Variants in FOXJ3 observed in about 807,000 individuals in gnomAD.
FOXJ3 encodes the protein forkhead box protein J3.
In FOXJ3, 22 loss-of-function variants were observed where a neutral mutation model predicts 76.1. That is an observed-to-expected ratio of 0.29 (90% CI 0.21 to 0.41). The LOEUF (loss-of-function observed/expected upper bound fraction) is 0.41, where lower values mean the gene tolerates loss of function less well. Ranked by LOEUF, FOXJ3 falls within the 10% of genes least tolerant of loss-of-function variation. FOXJ3 has a pLI of 1.00. For missense variants in FOXJ3, 613 were observed against 762.1 expected, an observed-to-expected ratio of 0.80 and a Z score of 2.30; for synonymous variants, 269 against 261.2, an observed-to-expected ratio of 1.03 and a Z score of -0.29.
chr1:42,188,371 C>A (rs559257367), intron 11 of FOXJ3, among the ~76,000 whole-genome samples: 6 of 152,136 alleles, frequency 3.9e-5, no homozygotes, highest in Non-Finnish European at 7.4e-5. Context: ...ACACAAGACA[C>A]GTTGATTTCC....
chr1:42,202,664 T>C (rs895270385), intron 6 of FOXJ3, among the ~76,000 whole-genome samples: 2 of 152,132 alleles, frequency 1.3e-5, no homozygotes, highest in African/African-American at 4.8e-5. Context: ...AATGGGAGTG[T>C]ACAGTAATAA....
At chr1:42,295,001 T>C (rs1653689791) in intron 2 of FOXJ3, among the ~76,000 whole-genome samples, 1 of 152,344 alleles carries the variant, frequency 6.6e-6, no homozygotes, top group South Asian at 2.1e-4. Context: ...ATTCATTCCA[T>C]AAATTCTTTT....
chr1:42,203,787 G>C (rs1646807945), intron 6 of FOXJ3, among the ~76,000 whole-genome samples: 1 of 152,098 alleles, frequency 6.6e-6, no homozygotes, highest in African/African-American at 2.4e-5. Flanking sequence ...CCTGAGGTCA[G>C]GAGTTTGAGA....
chr1:42,209,319 G>C (rs1569872381), intron 5 of FOXJ3, among the ~76,000 whole-genome samples: 1 of 152,208 alleles, frequency 6.6e-6, no homozygotes, highest in South Asian at 2.1e-4. Context: ...CAAGATGGTA[G>C]ATTAAAGGGA....
At chr1:42,222,671 A>C (rs1647262773) in intron 5 of FOXJ3, among the ~76,000 whole-genome samples, 1 of 152,112 alleles carries the variant, frequency 6.6e-6, no homozygotes, top group Non-Finnish European at 1.5e-5. Context: ...AAATCCTAAT[A>C]CTTTTCTACC....
chr1:42,299,347 T>C (rs1318192149), intron 2 of FOXJ3, among the ~76,000 whole-genome samples: 1 of 149,492 alleles, frequency 6.7e-6, no homozygotes, highest in Non-Finnish European at 1.5e-5. Context: ...TCAAACCCTT[T>C]ATCATTATAT....
intron 2 of FOXJ3, among the ~76,000 whole-genome samples, chr1:42,294,778 A>AAAAAG (rs3070625): frequency 6.6e-6 from 1 of 150,666 alleles, no homozygotes; most frequent in Non-Finnish European, 1.5e-5. Flanking sequence ...AAAAAAAAAA[A>AAAAAG]GACGCCATGA....
chr1:42,291,554 C>G (rs557665616), intron 2 of FOXJ3, among the ~76,000 whole-genome samples: 42 of 152,272 alleles, frequency 2.8e-4, no homozygotes, highest in Middle Eastern at 3.4e-3. Flanking sequence ...GTAATCCCAG[C>G]ATTTGGGAGG....
At chr1:42,245,224 C>T (rs1649459354) in intron 4 of FOXJ3, among the ~76,000 whole-genome samples, 1 of 151,372 alleles carries the variant, frequency 6.6e-6, no homozygotes, top group African/African-American at 2.4e-5. Context: ...ATTACAAAGC[C>T]TTCACTGCCG....
At chr1:42,181,871 A>T (rs748598180) in intron 12 of FOXJ3, 46 bp downstream of exon 12, 32 of 1,142,442 alleles carry the variant, frequency 2.8e-5, no homozygotes, top group South Asian at 1.4e-5. Flanking sequence ...GTGCTCACAC[A>T]CACACACACA....
rs1007324121 is a variant in FOXJ3 at position 42,178,153 on chromosome 1, A to C, written c.*1557T>G. 6.6e-6 allele frequency: 1 copy of C among 152,514 alleles called. No homozygotes were observed. Among genetic ancestry groups the C allele is most frequent in the African/African-American group, 2.4e-5 (1 of 41,454 alleles). 9.4% of individuals were successfully genotyped at this position (152,514 alleles called of 1,614,324 possible). ...CGTAAGAGGGGCTGCATTTCAAAGA[A>C]AGGGACCAAATGTCATGCATACACA... On this transcript the variant is annotated 3_prime_UTR_variant, in exon 13 of 13. Transcript: ENST00000361346.
At position 42,191,601 on chromosome 1, in the gene FOXJ3, G is replaced by T; in HGVS notation, c.1053C>A (p.Asn351Lys). The T allele has an allele frequency of 6.2e-7, 1 of 1,614,204 alleles. No individual in the cohort carries two copies. Reference protein sequence around the residue: ...HPHSNQSSLSNSHGSGLNTTG... With the variant: ...HPHSNQSSLSKSHGSGLNTTG... ...TGGTGTTGAGGCCACTGCCATGACT[G>T]TTGGACAGGCTGCTTTGGTTGCTGT... Residue 351 changes from asparagine (N) to lysine (K), a missense_variant, in exon 9 of 13, where the codon AAC becomes AAA. Physicochemically the swap from Asn to Lys is moderately conservative, Grantham distance 94. Coordinates refer to ENST00000361346, the MANE Select transcript of FOXJ3 (RefSeq NM_014947.5).
chr1:42,288,039 T>C (rs1283655174), intron 2 of FOXJ3, among the ~76,000 whole-genome samples: 1 of 152,206 alleles, frequency 6.6e-6, no homozygotes, highest in African/African-American at 2.4e-5. Context: ...AGATATTTTA[T>C]GCTATAATTC....
At chr1:42,200,610 T>C (rs549541806) in intron 6 of FOXJ3, among the ~76,000 whole-genome samples, 5 of 152,016 alleles carry the variant, frequency 3.3e-5, no homozygotes, top group Non-Finnish European at 4.4e-5. Flanking sequence ...TCCAAAGTAG[T>C]TGGGATTACA....
chr1:42,221,288 G>A (rs1647180914), intron 5 of FOXJ3, among the ~76,000 whole-genome samples: 2 of 152,082 alleles, frequency 1.3e-5, no homozygotes, highest in African/African-American at 4.8e-5. Context: ...GAGAACTACT[G>A]AGACAGCATC....
intron 4 of FOXJ3, among the ~76,000 whole-genome samples, chr1:42,228,724 G>A (rs1192282733): frequency 1.3e-5 from 2 of 152,138 alleles, no homozygotes; most frequent in African/African-American, 4.8e-5. Flanking sequence ...ACAAAGTCTG[G>A]ATTTTTAGCT....
chr1:42,288,580 AAC>A (rs1426444830), intron 2 of FOXJ3, among the ~76,000 whole-genome samples: 1 of 152,218 alleles, frequency 6.6e-6, no homozygotes, highest in African/African-American at 2.4e-5. Flanking sequence ...ATGCTAAAGA[AAC>A]AGTTTAAGCT....
At chr1:42,199,071 C>T (rs757287707) in intron 7 of FOXJ3, 31 bp downstream of exon 7, 8 of 1,578,910 alleles carry the variant, frequency 5.1e-6, no homozygotes, top group Non-Finnish European at 7.0e-6. Flanking sequence ...AAATGAATAA[C>T]TATTAACATG....
intron 3 of FOXJ3, among the ~76,000 whole-genome samples, chr1:42,274,889 G>C (rs893709888): frequency 3.3e-5 from 5 of 151,958 alleles, no homozygotes; most frequent in South Asian, 2.1e-4. Context: ...AAGGCGGCGG[G>C]GGGGCAAAAG....
Sources: allele counts gnomAD v4.1 joint callset (sites outside exome capture counted in the v4.1 genomes callset), GRCh38; gene constraint gnomAD v4.1.1; transcripts MANE v1.5; gene names NCBI Gene and HGNC (gene_info 2026-07-23, HGNC 2026-07-21).